The following PCDH9 variants were observed in gnomAD, a reference collection of about 807,000 sequenced individuals.
The protein encoded by PCDH9 is protocadherin 9.
PCDH9 carries 24 observed loss-of-function variants against 70.6 expected under a neutral mutation model. The observed-to-expected ratio is 0.34, with a 90% CI of 0.25 to 0.48. The LOEUF is 0.48. PCDH9 is among the 20% of genes least tolerant of loss of function. The pLI is 0.99. For synonymous variants in PCDH9, 562 were observed against 558.5 expected, an observed-to-expected ratio of 1.01 and a Z score of -0.09; for missense variants, 1,281 against 1,503.6, an observed-to-expected ratio of 0.85 and a Z score of 2.45.
intron 2 of PCDH9, chr13:67,207,924 C>T (rs1395365567): frequency 6.6e-6 from 1 of 152,114 alleles, no homozygotes; most frequent in South Asian, 2.1e-4. Flanking sequence ...GTTCCAATTC[C>T]TAATGAATTT....
chr13:66,465,399 A>G (rs540216179), intron 4 of PCDH9, among the ~76,000 whole-genome samples: 2 of 152,048 alleles, frequency 1.3e-5, no homozygotes, highest in South Asian at 4.1e-4. Context: ...GATTCAGATG[A>G]AGTAGTTGAG....
intron 2 of PCDH9, among the ~76,000 whole-genome samples, chr13:67,074,054 ATC>A (rs1270410498): frequency 2.7e-5 from 4 of 148,904 alleles, no homozygotes; most frequent in African/African-American, 9.9e-5. Context: ...CTATCTATCT[ATC>A]TATCTATCTA....
At chr13:66,995,107 G>T (rs999473773) in intron 2 of PCDH9, among the ~76,000 whole-genome samples, 7 of 151,948 alleles carry the variant, frequency 4.6e-5, no homozygotes, top group Non-Finnish European at 1.0e-4. Context: ...AACCCGGAAG[G>T]GTAATGCTAA....
chr13:66,334,719 T>A (rs746868434), intron 4 of PCDH9, among the ~76,000 whole-genome samples: 1 of 152,124 alleles, frequency 6.6e-6, no homozygotes, highest in Non-Finnish European at 1.5e-5. Context: ...TTTTTCTTTT[T>A]AACTTACTTT....
intron 3 of PCDH9, among the ~76,000 whole-genome samples, chr13:66,826,170 A>G (rs1025651872): frequency 6.6e-6 from 1 of 152,192 alleles, no homozygotes; most frequent in African/African-American, 2.4e-5. Flanking sequence ...TCAAAAACTT[A>G]AAGAAGTCAC....
intron 4 of PCDH9, among the ~76,000 whole-genome samples, chr13:66,579,660 G>A (rs2076863116): frequency 6.6e-6 from 1 of 152,024 alleles, no homozygotes; most frequent in Non-Finnish European, 1.5e-5. Context: ...TTAGACATAT[G>A]TATGTATACC....
chr13:66,818,691 G>C (rs557217032), intron 3 of PCDH9, among the ~76,000 whole-genome samples: 2 of 152,246 alleles, frequency 1.3e-5, no homozygotes, highest in South Asian at 4.1e-4. Flanking sequence ...CCAGCACTTT[G>C]GGAGGCCGAG....
At chr13:66,674,503 T>C (rs2078217338) in intron 3 of PCDH9, among the ~76,000 whole-genome samples, 1 of 152,114 alleles carries the variant, frequency 6.6e-6, no homozygotes, top group African/African-American at 2.4e-5. Context: ...GAAACTATTA[T>C]TTTAACTTGT....
intron 4 of PCDH9, among the ~76,000 whole-genome samples, chr13:66,352,578 C>T (rs1414952699): frequency 6.6e-6 from 1 of 152,076 alleles, no homozygotes; most frequent in Non-Finnish European, 1.5e-5. Context: ...AGTGAGCTCT[C>T]CTGGTGTTTC....
chr13:67,118,044 G>T (rs1253909088), intron 2 of PCDH9, among the ~76,000 whole-genome samples: 3 of 152,132 alleles, frequency 2.0e-5, no homozygotes, highest in Non-Finnish European at 4.4e-5. Context: ...TCTGAACTCA[G>T]TAAAATTTAG....
intron 2 of PCDH9, among the ~76,000 whole-genome samples, chr13:67,055,723 C>G (rs2085406195): frequency 6.6e-6 from 1 of 151,924 alleles, no homozygotes; most frequent in Non-Finnish European, 1.5e-5. Context: ...TGCCATGAGC[C>G]CAGGAATAAC....
intron 4 of PCDH9, among the ~76,000 whole-genome samples, chr13:66,590,726 T>C (rs1333815402): frequency 6.6e-6 from 1 of 151,888 alleles, no homozygotes; most frequent in Non-Finnish European, 1.5e-5. Flanking sequence ...TTCACTTTTC[T>C]AGCTCACACT....
intron 2 of PCDH9, among the ~76,000 whole-genome samples, chr13:67,080,832 T>A (rs918413085): frequency 6.6e-6 from 1 of 152,170 alleles, no homozygotes; most frequent in Non-Finnish European, 1.5e-5. Context: ...AACCTGTGAG[T>A]TAACCACTTT....
rs576596608 is a variant in PCDH9, at chr13:67,026,792, C to T, written c.3037-123187G>A. Among the ~76,000 whole-genome samples the T allele has an allele frequency of 2.6e-5, 4 of 151,602 alleles. No homozygotes were observed. In the East Asian group the frequency reaches 7.8e-4, roughly 29 times the overall value. ...ACAACAGACAAACAGAGAGCCAAAT[C>T]ATGAGTGAACTCCCATTCACAATTG... is the stretch of plus-strand genomic sequence containing the variant. On this transcript the variant is annotated intron_variant, in intron 2 of 4. Transcript: ENST00000377865.
chr13:66,742,449 C>T (rs1392214980), intron 3 of PCDH9, among the ~76,000 whole-genome samples: 10 of 139,626 alleles, frequency 7.2e-5, no homozygotes, highest in African/African-American at 2.2e-4. Context: ...ACTTCATGTC[C>T]AAAACACCAA....
chr13:66,895,127 TA>T (rs1475865758), intron 3 of PCDH9, among the ~76,000 whole-genome samples: 1 of 152,150 alleles, frequency 6.6e-6, no homozygotes, highest in Non-Finnish European at 1.5e-5. Context: ...TATCTTATAT[TA>T]AAAGATTATT....
At chr13:67,063,155 G>A (rs2085572069) in intron 2 of PCDH9, among the ~76,000 whole-genome samples, 1 of 152,094 alleles carries the variant, frequency 6.6e-6, no homozygotes, top group African/African-American at 2.4e-5. Context: ...TCACTTTGTG[G>A]TCTTAGCTGA....
chr13:66,854,055 C>A (rs1217524827), intron 3 of PCDH9, among the ~76,000 whole-genome samples: 1 of 152,112 alleles, frequency 6.6e-6, no homozygotes. Flanking sequence ...ATCAAAGAAG[C>A]ACTAAAATGT....
chr13:66,708,045 ATTTTATTTTTT>A (rs1379352494), intron 3 of PCDH9, among the ~76,000 whole-genome samples: 2 of 151,556 alleles, frequency 1.3e-5, no homozygotes, highest in African/African-American at 4.9e-5. Context: ...ATTTTATTTT[ATTTTATTTTTT>A]TTTTATTTTT....
Sources: gnomAD v4.1 joint callset for allele counts (sites outside exome capture counted in the v4.1 genomes callset) on GRCh38, gnomAD v4.1.1 for gene constraint, MANE v1.5 for transcripts, NCBI Gene and HGNC (gene_info 2026-07-23, HGNC 2026-07-21) for gene names.